The following CSMD1 variants were observed in gnomAD, a reference collection of about 807,000 sequenced individuals.
CSMD1 encodes the protein CUB and sushi domain-containing protein 1.
Under a neutral mutation model 417.5 loss-of-function variants are expected in CSMD1, and 213 were observed. The ratio of observed to expected loss-of-function variants is 0.51; its 90% CI spans 0.46 to 0.57. CSMD1 has a LOEUF of 0.57. Ranked by LOEUF, CSMD1 falls within the 20% of genes least tolerant of loss-of-function variation. CSMD1 has a pLI of 0.00. For synonymous variants in CSMD1, 2,862 were observed against 1,736.8 expected (o/e 1.65, Z -16.11); for missense variants, 6,923 against 4,529.7 (o/e 1.53, Z -15.17).
chr8:3,733,765 T>C (rs940601202), intron 6 of CSMD1, among the ~76,000 whole-genome samples: 2 of 152,176 alleles, frequency 1.3e-5, no homozygotes, highest in Admixed American at 6.5e-5. Flanking sequence ...ATTTTACTTG[T>C]ACTTAATGAT....
At chr8:4,284,222 G>C (rs966946494) in intron 3 of CSMD1, among the ~76,000 whole-genome samples, 5 of 152,090 alleles carry the variant, frequency 3.3e-5, no homozygotes, top group Non-Finnish European at 5.9e-5. Flanking sequence ...ACAAAAATTA[G>C]CTGGGCGTGG....
chr8:4,027,539 G>A (rs920747443), intron 4 of CSMD1, among the ~76,000 whole-genome samples: 5 of 152,086 alleles, frequency 3.3e-5, no homozygotes, highest in African/African-American at 9.7e-5. Flanking sequence ...CGCTCCTGCT[G>A]TCCTGTGAAA....
At chr8:3,958,230 A>C (rs757149043) in intron 5 of CSMD1, among the ~76,000 whole-genome samples, 35 of 152,300 alleles carry the variant, frequency 2.3e-4, no homozygotes, top group Non-Finnish European at 4.4e-4. Context: ...CCAAACATGA[A>C]GATAGACTAC....
intron 5 of CSMD1, among the ~76,000 whole-genome samples, chr8:3,831,490 C>T (rs1353634253): frequency 6.6e-6 from 1 of 152,082 alleles, no homozygotes; most frequent in East Asian, 1.9e-4. Context: ...TACTGAAGCC[C>T]ACAGTGTAGA....
At chr8:3,830,903 T>A (rs893303947) in intron 5 of CSMD1, among the ~76,000 whole-genome samples, 1 of 152,176 alleles carries the variant, frequency 6.6e-6, no homozygotes, top group Non-Finnish European at 1.5e-5. Context: ...ATAAAATCTA[T>A]ATTTCCTTCC....
In CSMD1 at chr8:3,091,569, C is replaced by T. The variant is rs201439492; in HGVS notation, c.7232G>A (p.Arg2411His). The change falls in exon 48 of 70, where the codon CGC becomes CAC. Residue 2411 changes from arginine to histidine, a missense_variant. By Grantham distance (29) the Arg-to-His change is conservative (BLOSUM62 0). Coordinates refer to ENST00000635120, the MANE Select transcript of CSMD1 (RefSeq NM_033225.6). ...ACTGGTGGCATGGTCAGTGGACCAG[C>T]GGAGATATAACTGATTACTCCTGCT... ...FTSRSNQLYL[R>H]WSTDHATSKK... The T allele has an allele frequency of 4.7e-5, 75 of 1,610,228 alleles. No homozygotes were observed. Among genetic ancestry groups the T allele is most frequent in the Admixed American group, 6.8e-5 (4 of 58,648 alleles).
chr8:3,034,643 A>T (rs544990199), intron 50 of CSMD1, among the ~76,000 whole-genome samples: 1 of 152,330 alleles, frequency 6.6e-6, no homozygotes, highest in Admixed American at 6.5e-5. Context: ...AATGCATAAT[A>T]GTTTAACAAG....
chr8:4,297,877 G>T (rs986945976), intron 3 of CSMD1, among the ~76,000 whole-genome samples: 1 of 152,214 alleles, frequency 6.6e-6, no homozygotes, highest in East Asian at 1.9e-4. Context: ...TTTAAAACAA[G>T]AAAATTTATC....
chr8:4,924,862 C>G (rs1806747701), intron 1 of CSMD1, among the ~76,000 whole-genome samples: 1 of 151,720 alleles, frequency 6.6e-6, no homozygotes, highest in African/African-American at 2.4e-5. Flanking sequence ...ATATGTTTCT[C>G]AAGTTTCCCC....
intron 3 of CSMD1, among the ~76,000 whole-genome samples, chr8:4,403,127 G>A (rs560640605): frequency 1.3e-3 from 197 of 152,002 alleles, no homozygotes; most frequent in Middle Eastern, 6.8e-3. Flanking sequence ...CACTGCCCCC[G>A]GCCAAAATGT....
chr8:2,944,382 C>G (rs1563168465), intron 68 of CSMD1, among the ~76,000 whole-genome samples: 1 of 152,160 alleles, frequency 6.6e-6, no homozygotes, highest in Non-Finnish European at 1.5e-5. Context: ...AGCAGTGGTG[C>G]AGCAGTGATG....
intron 2 of CSMD1, among the ~76,000 whole-genome samples, chr8:4,543,129 T>C (rs62484744): frequency 0.042 from 6,328 of 152,308 alleles, 148 homozygotes; most frequent in East Asian, 0.075. Flanking sequence ...TTTATTACAA[T>C]TGATGAATAC....
chr8:3,176,150 A>C (rs1469134853), intron 37 of CSMD1, among the ~76,000 whole-genome samples: 3 of 152,200 alleles, frequency 2.0e-5, no homozygotes, highest in Admixed American at 2.0e-4. Flanking sequence ...AAATTTAGTG[A>C]AGAAGGCCTG....
chr8:4,276,732 A>T (rs1796509560), intron 3 of CSMD1, among the ~76,000 whole-genome samples: 1 of 152,218 alleles, frequency 6.6e-6, no homozygotes, highest in South Asian at 2.1e-4. Flanking sequence ...AATAAAAGGA[A>T]ATGTATATGT....
intron 5 of CSMD1, among the ~76,000 whole-genome samples, chr8:3,990,497 C>T (rs928664314): frequency 2.0e-5 from 3 of 152,220 alleles, no homozygotes; most frequent in Admixed American, 2.0e-4. Context: ...TCAGTCTGGA[C>T]AATTTTATGG....
At chr8:4,212,751 C>CTATTTTTTTTTT (rs1800395918) in intron 3 of CSMD1, among the ~76,000 whole-genome samples, 1 of 99,268 alleles carries the variant, frequency 1.0e-5, no homozygotes, top group African/African-American at 4.3e-5. Context: ...CGGCCTTATT[C>CTATTTTTTTTTT]TTTTTTTTTT....
chr8:4,000,222 T>C (rs1280131072), intron 4 of CSMD1, among the ~76,000 whole-genome samples: 3 of 148,750 alleles, frequency 2.0e-5, no homozygotes, highest in African/African-American at 7.6e-5. Flanking sequence ...CAGCCGAATG[T>C]CTCTCCTGCC....
intron 7 of CSMD1, among the ~76,000 whole-genome samples, chr8:3,666,812 G>A (rs929865448): frequency 1.6e-4 from 24 of 151,940 alleles, no homozygotes; most frequent in Non-Finnish European, 2.9e-4. Flanking sequence ...CCTCAGCCAT[G>A]TGGAACTGTG....
At chr8:4,290,487 T>C (rs1487080427) in intron 3 of CSMD1, among the ~76,000 whole-genome samples, 1 of 152,134 alleles carries the variant, frequency 6.6e-6, no homozygotes, top group African/African-American at 2.4e-5. Flanking sequence ...ACTGCATCTT[T>C]CATAGCATGA....
Sources: gnomAD v4.1 joint callset for allele counts (sites outside exome capture counted in the v4.1 genomes callset) on GRCh38, gnomAD v4.1.1 for gene constraint, MANE v1.5 for transcripts, NCBI Gene and HGNC (gene_info 2026-07-23, HGNC 2026-07-21) for gene names.